The following COL22A1 variants were observed in gnomAD, a reference collection of about 807,000 sequenced individuals.
COL22A1 encodes collagen type XXII alpha 1 chain.
COL22A1 carries 221 observed loss-of-function variants against 248.9 expected under a neutral mutation model. That is an observed-to-expected ratio of 0.89 (90% CI 0.80 to 0.99). COL22A1 has a LOEUF of 0.99. COL22A1 is among the 50% of genes least tolerant of loss of function. COL22A1 has a pLI of 0.00. For synonymous variants in COL22A1, 891 were observed against 793.4 expected (o/e 1.12, Z -2.07); for missense variants, 2,240 against 2,179.0 (o/e 1.03, Z -0.56).
chr8:138,644,960 A>G (rs1822068160), intron 47 of COL22A1, among the ~76,000 whole-genome samples: 1 of 152,208 alleles, frequency 6.6e-6, no homozygotes, highest in South Asian at 2.1e-4. Context: ...GACCTGAGAC[A>G]GGACAGGTAG....
chr8:138,750,525 A>G (rs556312925), intron 22 of COL22A1, among the ~76,000 whole-genome samples: 1 of 152,212 alleles, frequency 6.6e-6, no homozygotes, highest in Non-Finnish European at 1.5e-5. Flanking sequence ...AGCAAAATAT[A>G]TGGCACTATC....
Position 138,646,639 on chromosome 8 carries a change from G to T in COL22A1, c.3491C>A (p.Ala1164Asp), listed in dbSNP as rs1442682370. Residue 1164 changes from alanine (A) to aspartate (D), a missense_variant, in exon 47 of 65, where the codon GCT becomes GAT. Transcript: ENST00000303045. ...PPGLPGPPGI[A>D]GPQGSQGERG... ...TGAAGTCTCACTGACCTGTGGTCCA[G>T]CTATTCCTGGGGGCCCTGGTAGGCC... 6.3e-7 allele frequency: 1 copy of T among 1,583,364 alleles called. No homozygotes were observed. The highest frequency in any genetic ancestry group is 1.8e-5 in the Admixed American group (1 of 56,392).
chr8:138,611,022 T>C (rs1226283256), intron 56 of COL22A1, among the ~76,000 whole-genome samples: 1 of 152,172 alleles, frequency 6.6e-6, no homozygotes, highest in Non-Finnish European at 1.5e-5. Context: ...ACCGTGATCA[T>C]GCCACTGAAG....
At chr8:138,618,403 A>G (rs1819502844) in intron 53 of COL22A1, among the ~76,000 whole-genome samples, 1 of 152,162 alleles carries the variant, frequency 6.6e-6, no homozygotes, top group Non-Finnish European at 1.5e-5. Context: ...CAGTTGACAG[A>G]TGGGTCTTGC....
chr8:138,690,952 CT>C, intron 35 of COL22A1, 78 bp from the exon 36 acceptor site: 1 of 1,188,412 alleles, frequency 8.4e-7, no homozygotes, highest in Non-Finnish European at 1.2e-6. Flanking sequence ...GCAAATCTGC[CT>C]CATACTCAAT....
chr8:138,656,078 AG>A, intron 44 of COL22A1, 134 bp from the exon 45 acceptor site: 1 of 705,362 alleles, frequency 1.4e-6, no homozygotes, highest in Non-Finnish European at 2.4e-6. Flanking sequence ...GGATACGGAC[AG>A]CCCAGTGGAT....
At chr8:138,700,760 G>A (rs1028758312) in intron 31 of COL22A1, among the ~76,000 whole-genome samples, 3 of 152,096 alleles carry the variant, frequency 2.0e-5, no homozygotes, top group South Asian at 2.1e-4. Flanking sequence ...CAAGGCGGGC[G>A]GATCACGAGG....
At position 138,606,396 on chromosome 8, in the gene COL22A1, A is replaced by G. The variant is rs773024347; in HGVS notation, c.4089T>C (p.Gly1363=). The change falls in exon 58 of 65, where the codon GGT becomes GGC. Residue 1363 remains glycine, a synonymous_variant. Transcript: ENST00000303045. ...CTCTGCTTACCGGAGGCCCACGGGG[A>G]CCCAGGAAGCCAGGAAGTCCTGGGC... ...NGSPGLPGFL[G]PRGPPGEPGE... 3 of 1,613,140 alleles carry G rather than the reference A, an allele frequency of 1.9e-6. No homozygotes were observed. Among genetic ancestry groups the G allele is most frequent in the Non-Finnish European group, 2.5e-6 (3 of 1,179,750 alleles).
intron 43 of COL22A1, among the ~76,000 whole-genome samples, chr8:138,660,975 TAC>T (rs1259072960): frequency 0.27 from 14,100 of 51,718 alleles, 1,248 homozygotes; most frequent in South Asian, 0.39. Flanking sequence ...CACACACACA[TAC>T]ACACACACAT....
intron 45 of COL22A1, among the ~76,000 whole-genome samples, chr8:138,653,511 C>A: frequency 6.6e-6 from 1 of 152,182 alleles, no homozygotes; most frequent in East Asian, 1.9e-4. Flanking sequence ...AAAATGCAGA[C>A]AGCAACAGAA....
intron 3 of COL22A1, among the ~76,000 whole-genome samples, chr8:138,868,224 C>T (rs1371729393): frequency 6.6e-6 from 1 of 152,130 alleles, no homozygotes; most frequent in African/African-American, 2.4e-5. Flanking sequence ...AGATTCCAAT[C>T]CCAGGCCTTC....
At chr8:138,826,551 G>T in intron 6 of COL22A1, 107 bp downstream of exon 6, 2 of 1,229,136 alleles carry the variant, frequency 1.6e-6, no homozygotes, top group Non-Finnish European at 2.4e-6. Context: ...TATCTCTCTA[G>T]GCCCAGGGAT....
rs1660658355 is a variant in COL22A1, at chr8:138,641,498, C to A, written c.3502-4703G>T. Among the ~76,000 whole-genome samples, 4 of 152,218 alleles carry A rather than the reference C, an allele frequency of 2.6e-5. No homozygotes were observed. The South Asian group carries it at 8.3e-4, about 32-fold the overall frequency. On this transcript the variant is annotated intron_variant, in intron 47 of 64. Transcript: ENST00000303045. The stretch of plus-strand genomic sequence containing the variant: ...CCAGGGTCATTGCTGTGGTTACCAT[C>A]TTGTTGCTTCTTCCTCCTTTACACG...
intron 22 of COL22A1, among the ~76,000 whole-genome samples, chr8:138,745,064 G>A (rs548538732): frequency 8.5e-5 from 13 of 152,146 alleles, no homozygotes; most frequent in African/African-American, 1.2e-4. Flanking sequence ...GGTCATTCAC[G>A]TTTCTGGATA....
chr8:138,829,715 C>T (rs191667056), intron 5 of COL22A1, among the ~76,000 whole-genome samples: 338 of 152,268 alleles, frequency 2.2e-3, no homozygotes, highest in Non-Finnish European at 3.6e-3. Flanking sequence ...GCTAGGATTA[C>T]AGACATGAGC....
At chr8:138,845,668 T>C (rs1821193607) in intron 3 of COL22A1, among the ~76,000 whole-genome samples, 4 of 152,186 alleles carry the variant, frequency 2.6e-5, no homozygotes, top group Admixed American at 2.6e-4. Flanking sequence ...CTCTGTGGCT[T>C]AGAGAAGTCT....
intron 3 of COL22A1, among the ~76,000 whole-genome samples, chr8:138,853,168 T>A (rs192772335): frequency 3.5e-4 from 54 of 152,126 alleles, no homozygotes; most frequent in African/African-American, 1.3e-3. Flanking sequence ...GAGAAAGACC[T>A]GGTCTCAAAA....
At chr8:138,619,137 A>G (rs1051964961) in intron 53 of COL22A1, among the ~76,000 whole-genome samples, 1 of 152,164 alleles carries the variant, frequency 6.6e-6, no homozygotes, top group Non-Finnish European at 1.5e-5. Flanking sequence ...TTAGCTATGG[A>G]AAGTGTTCAA....
At chr8:138,847,975 G>A (rs1156302087) in intron 3 of COL22A1, among the ~76,000 whole-genome samples, 1 of 152,152 alleles carries the variant, frequency 6.6e-6, no homozygotes, top group South Asian at 2.1e-4. Context: ...CAATTAATGA[G>A]GGTGGTGAGA....
Sources: gnomAD v4.1 joint callset for allele counts (sites outside exome capture counted in the v4.1 genomes callset) on GRCh38, gnomAD v4.1.1 for gene constraint, MANE v1.5 for transcripts, NCBI Gene and HGNC (gene_info 2026-07-23, HGNC 2026-07-21) for gene names.